The following NTRK2 variants were observed in gnomAD, a reference collection of about 807,000 sequenced individuals.
NTRK2 encodes neurotrophic receptor tyrosine kinase 2, also known as BDNF/NT-3 growth factors receptor.
NTRK2 carries 13 observed loss-of-function variants against 94.5 expected under a neutral mutation model. That is an observed-to-expected ratio of 0.14 (90% CI 0.09 to 0.22). The LOEUF (loss-of-function observed/expected upper bound fraction) is 0.22. Ranked by LOEUF, NTRK2 falls within the 10% of genes least tolerant of loss-of-function variation. The pLI is 1.00. For missense variants in NTRK2, 639 were observed against 1,071.2 expected, an observed-to-expected ratio of 0.60 and a Z score of 5.63; for synonymous variants, 372 against 407.4, an observed-to-expected ratio of 0.91 and a Z score of 1.05.
intron 12 of NTRK2, among the ~76,000 whole-genome samples, chr9:84,763,684 C>T (rs948213488): frequency 6.6e-6 from 1 of 152,120 alleles, no homozygotes; most frequent in Admixed American, 6.6e-5. Flanking sequence ...GCCACAATAC[C>T]ATTACCATTG....
chr9:84,838,117 T>G (rs1445048359), intron 12 of NTRK2, among the ~76,000 whole-genome samples: 1 of 152,322 alleles, frequency 6.6e-6, no homozygotes, highest in East Asian at 1.9e-4. Flanking sequence ...GGATACCATA[T>G]ACAATATTTA....
At position 84,898,193 on chromosome 9, in the gene NTRK2, C is replaced by T. The variant is rs930472385; in HGVS notation, c.1633+30762C>T. On this transcript the variant is annotated intron_variant, in intron 14 of 18. Coordinates refer to ENST00000277120, the MANE Select transcript of NTRK2 (RefSeq NM_006180.6). ...TAACCACACAGGAGCAGCCTAGCAA[C>T]ATCTGACTTCTGGGCTTGCAGAAGT... 5.9e-5 allele frequency among the ~76,000 whole-genome samples: 9 copies of T among 152,154 alleles called. 2 individuals carry two copies. The highest frequency in any genetic ancestry group is 5.2e-4 in the Admixed American group (8 of 15,276).
chr9:84,869,213 C>T (rs2075732111), intron 14 of NTRK2, among the ~76,000 whole-genome samples: 1 of 152,080 alleles, frequency 6.6e-6, no homozygotes. Context: ...GGTTTGGGTT[C>T]CTTTTGGAGC....
In NTRK2 at chr9:84,730,582, TA is replaced by T. The variant is rs774435591; in HGVS notation, c.1159+2624del. Among the ~76,000 whole-genome samples the T allele has an allele frequency of 4.2e-4, 59 of 139,874 alleles. 1 individual carries two copies. Among genetic ancestry groups the T allele is most frequent in the Non-Finnish European group, 1.5e-4 (10 of 66,202 alleles). The allele number at this position is 139,874 out of a possible 152,430, so 91.8% of individuals were successfully genotyped here. ...GGTGAAACCCCGTCTCTACTAAAAA[TA>T]CAAAAAATTAGCCGGGCGTGGTAGC... On this transcript the variant is annotated intron_variant, in intron 9 of 18. Coordinates refer to ENST00000277120, the MANE Select transcript of NTRK2 (RefSeq NM_006180.6).
chr9:84,863,279 G>T (rs1398264570), intron 13 of NTRK2, among the ~76,000 whole-genome samples: 5 of 152,152 alleles, frequency 3.3e-5, no homozygotes, highest in Admixed American at 2.6e-4. Context: ...TGTCTGTAAA[G>T]TCATAGTACA....
chr9:84,922,820 T>C (rs531022812), intron 14 of NTRK2, among the ~76,000 whole-genome samples: 1 of 152,328 alleles, frequency 6.6e-6, no homozygotes, highest in Non-Finnish European at 1.5e-5. Context: ...GATGATTAAA[T>C]GGTAAATGAA....
chr9:84,751,879 A>G (rs944375505), intron 11 of NTRK2, 107 bp from the exon 12 acceptor site: 2 of 878,434 alleles, frequency 2.3e-6, no homozygotes, highest in African/African-American at 1.6e-5. Flanking sequence ...TAAGCATTCA[A>G]TAAATATGAA....
intron 14 of NTRK2, among the ~76,000 whole-genome samples, chr9:84,913,862 T>TATC: frequency 8.6e-6 from 1 of 116,462 alleles, no homozygotes; most frequent in East Asian, 2.2e-4. Context: ...TTTTCAACTT[T>TATC]ATTATTATTA....
intron 6 of NTRK2, among the ~76,000 whole-genome samples, chr9:84,713,262 T>C (rs2061521798): frequency 6.6e-6 from 1 of 152,310 alleles, no homozygotes; most frequent in Middle Eastern, 3.4e-3. Context: ...TTTACTTTCA[T>C]TGTTCTTTGT....
At chr9:84,800,523 A>G in intron 12 of NTRK2, among the ~76,000 whole-genome samples, 1 of 152,124 alleles carries the variant, frequency 6.6e-6, no homozygotes, top group East Asian at 1.9e-4. Context: ...TATAATTACC[A>G]CCTATGTGTA....
At chr9:84,803,156 C>T (rs1356565294) in intron 12 of NTRK2, among the ~76,000 whole-genome samples, 1 of 152,166 alleles carries the variant, frequency 6.6e-6, no homozygotes, top group Non-Finnish European at 1.5e-5. Context: ...AGGAGAGGCA[C>T]ATTTTAATTC....
intron 12 of NTRK2, among the ~76,000 whole-genome samples, chr9:84,783,824 C>T (rs1451893890): frequency 6.6e-6 from 1 of 151,262 alleles, no homozygotes; most frequent in African/African-American, 2.4e-5. Context: ...GTTGTGGGGG[C>T]AGGGCATGAA....
chr9:84,805,014 A>G (rs1481545351), intron 12 of NTRK2, among the ~76,000 whole-genome samples: 2 of 152,122 alleles, frequency 1.3e-5, no homozygotes, highest in Non-Finnish European at 2.9e-5. Flanking sequence ...GATTCTGTGG[A>G]TGGGGCAATG....
At chr9:84,967,754 C>G (rs1245707046) in intron 17 of NTRK2, among the ~76,000 whole-genome samples, 1 of 152,344 alleles carries the variant, frequency 6.6e-6, no homozygotes, top group African/African-American at 2.4e-5. Context: ...AGGCTCATGC[C>G]TCGCCTTTGT....
rs138698021 is a variant in NTRK2, at chr9:84,764,532, A to G, written c.1396+12447A>G. ...CCAGCTGCCTACACTAGGGAGGGTCATAGGATTATAGAAAAAAAGTTACAG... is the reference window on the plus strand; with the variant it reads ...CCAGCTGCCTACACTAGGGAGGGTCGTAGGATTATAGAAAAAAAGTTACAG... On this transcript the variant is annotated intron_variant, in intron 12 of 18. Transcript: ENST00000277120. Among the ~76,000 whole-genome samples the G allele has an allele frequency of 2.4e-3, 365 of 152,330 alleles. 1 individual carries two copies. The highest frequency in any genetic ancestry group is 4.1e-3 in the Non-Finnish European group (276 of 68,028).
At chr9:84,792,584 A>G (rs934436767) in intron 12 of NTRK2, among the ~76,000 whole-genome samples, 1 of 152,238 alleles carries the variant, frequency 6.6e-6, no homozygotes, top group African/African-American at 2.4e-5. Context: ...AGTTTGAGCC[A>G]TATGAACTTG....
chr9:84,872,992 A>G, intron 14 of NTRK2: 1 of 1,064,102 alleles, frequency 9.4e-7, no homozygotes. Flanking sequence ...CATATTTGCA[A>G]CATTACTTTG....
intron 2 of NTRK2, among the ~76,000 whole-genome samples, chr9:84,679,880 C>T (rs1279388721): frequency 6.6e-6 from 1 of 152,154 alleles, no homozygotes; most frequent in Non-Finnish European, 1.5e-5. Context: ...GGTGACAGCC[C>T]TTCCATGGTT....
At chr9:84,892,218 C>T (rs2076615741) in intron 14 of NTRK2, among the ~76,000 whole-genome samples, 1 of 152,188 alleles carries the variant, frequency 6.6e-6, no homozygotes, top group Non-Finnish European at 1.5e-5. Context: ...TTGTATATTA[C>T]ACTCACTCCT....
Sources: allele counts gnomAD v4.1 joint callset (sites outside exome capture counted in the v4.1 genomes callset), GRCh38; gene constraint gnomAD v4.1.1; transcripts MANE v1.5; gene names NCBI Gene and HGNC (gene_info 2026-07-23, HGNC 2026-07-21).